The following FBXO25 variants were observed in gnomAD, a reference collection of about 807,000 sequenced individuals.
The protein encoded by FBXO25 is F-box only protein 25.
A neutral mutation model predicts 51.9 loss-of-function variants in FBXO25; 45 were observed. The observed-to-expected ratio is 0.87, with a 90% CI of 0.68 to 1.11. The LOEUF is 1.11. FBXO25 is among the 50% of genes most tolerant of loss of function. The probability of loss-of-function intolerance (pLI) is 0.00; values close to 1 mark genes in which losing one functional copy is unlikely to be tolerated. For synonymous variants in FBXO25, 199 were observed against 151.0 expected, an observed-to-expected ratio of 1.32 and a Z score of -2.33; for missense variants, 507 against 428.5, an observed-to-expected ratio of 1.18 and a Z score of -1.62.
rs552070916 is a variant in FBXO25 at position 453,967 on chromosome 8, T to C, written c.660+2514T>C. On this transcript the variant is annotated intron_variant, in intron 7 of 9. Coordinates refer to ENST00000350302, the MANE Select transcript of FBXO25 (RefSeq NM_183420.2). ...GGTGAAACGCTGTCTTTACTAAAAA[T>C]ACAAAAATTGGCCAGGTGTGGTGGC... Among the ~76,000 whole-genome samples, 3 of 152,110 alleles carry C rather than the reference T, an allele frequency of 2.0e-5. No homozygotes were observed. In the East Asian group the frequency reaches 5.8e-4, roughly 30 times the overall value.
chr8:455,942 C>T lies in FBXO25; in HGVS notation c.661-2427C>T, dbSNP rs185139652. 7.8e-4 allele frequency among the ~76,000 whole-genome samples: 119 copies of T among 152,350 alleles called. 1 individual carries two copies. In the South Asian group the frequency reaches 8.5e-3, roughly 11 times the overall value. ...ATTAACAGGGATGTAAAACTGGACTCTGCCAGAAATCCCAAATGCTGAGTT... is the reference window on the plus strand; with the variant it reads ...ATTAACAGGGATGTAAAACTGGACTTTGCCAGAAATCCCAAATGCTGAGTT... On this transcript the variant is annotated intron_variant, in intron 7 of 9. Transcript: ENST00000350302.
In FBXO25 at chr8:471,452, G is replaced by A. The variant is rs1322867204; in HGVS notation, c.*2648G>A. On this transcript the variant is annotated 3_prime_UTR_variant, in exon 10 of 10. Coordinates refer to ENST00000350302, the MANE Select transcript of FBXO25 (RefSeq NM_183420.2). ...TATCAGGGGGCCTTCCAAAAGTAGG[G>A]ATGCCACTCCTGTGAGATTAAGTTA... 1.3e-5 allele frequency: 2 copies of A among 152,174 alleles called. No individual in the cohort carries two copies. The highest frequency in any genetic ancestry group is 2.1e-4 in the South Asian group (1 of 4,824). The allele number at this position is 152,174 out of a possible 1,614,324, so 9.4% of individuals were successfully genotyped here.
Position 472,623 on chromosome 8 carries a change from T to G in FBXO25, c.*3819T>G, listed in dbSNP as rs1337697201. The G allele has an allele frequency of 1.3e-5, 2 of 152,186 alleles. No homozygotes were observed. Among genetic ancestry groups the G allele is most frequent in the African/African-American group, 4.8e-5 (2 of 41,452 alleles). 9.4% of individuals were successfully genotyped at this position (152,186 alleles called of 1,614,324 possible). On this transcript the variant is annotated 3_prime_UTR_variant, in exon 10 of 10. Transcript: ENST00000350302. ...GTGTTTTGGAAGTGTTTGTGGTGGT[T>G]TCTTGTTAATTCTTCTTTAAATGTT...
chr8:415,596 A>C lies in FBXO25; in HGVS notation c.134+2383A>C, dbSNP rs369706278. On this transcript the variant is annotated intron_variant, in intron 2 of 9. Transcript: ENST00000350302. ...AGGTGAGAAATGTTGAGTGCTGCCT[A>C]TGGTGATGTCTGCACAGCTGGACAG... 6.4e-4 allele frequency among the ~76,000 whole-genome samples: 97 copies of C among 152,262 alleles called. 3 individuals carry two copies. The East Asian group carries it at 0.018, about 28-fold the overall frequency.
intron 4 of FBXO25, among the ~76,000 whole-genome samples, chr8:434,272 A>C (rs905933461): frequency 2.0e-5 from 3 of 152,032 alleles, no homozygotes; most frequent in African/African-American, 7.2e-5. Context: ...CTAGGTCCGC[A>C]CATGCTCTTT....
At chr8:446,392 A>G (rs899196482) in intron 5 of FBXO25, among the ~76,000 whole-genome samples, 2 of 152,216 alleles carry the variant, frequency 1.3e-5, no homozygotes, top group Non-Finnish European at 2.9e-5. Context: ...CTGTAGGGCA[A>G]GAAGCCTATC....
chr8:429,151 C>T (rs1797670014), intron 2 of FBXO25, among the ~76,000 whole-genome samples: 1 of 152,180 alleles, frequency 6.6e-6, no homozygotes, highest in Non-Finnish European at 1.5e-5. Flanking sequence ...ATCCTCCATT[C>T]CCACCAACAT....
At chr8:454,408 G>C (rs990043898) in intron 7 of FBXO25, among the ~76,000 whole-genome samples, 1 of 152,214 alleles carries the variant, frequency 6.6e-6, no homozygotes, top group Non-Finnish European at 1.5e-5. Flanking sequence ...ATGCCCCCAT[G>C]TGCTCGCTGG....
At position 449,981 on chromosome 8, in the gene FBXO25, T is replaced by C. The variant is rs1288016018; in HGVS notation, c.382-9T>C. On this transcript the variant is annotated splice_polypyrimidine_tract_variant and intron_variant, in intron 5 of 9. Transcript: ENST00000350302. ...ATATCGCTCAGCTTTTTTCCGTCTT[T>C]CCTTTAAGCTGTTGCAGCTAATTGC... 1.3e-6 allele frequency: 2 copies of C among 1,598,380 alleles called. No homozygotes were observed. Among genetic ancestry groups the C allele is most frequent in the East Asian group, 2.2e-5 (1 of 44,732 alleles).
At position 477,917 on chromosome 8, in the gene FBXO25, T is replaced by A. The variant is rs190195566; in HGVS notation, c.*9113T>A. The A allele has an allele frequency of 1.3e-5, 2 of 152,348 alleles. No individual in the cohort carries two copies. The highest frequency in any genetic ancestry group is 2.9e-5 in the Non-Finnish European group (2 of 68,032). The allele number at this position is 152,348 out of a possible 1,614,324, so 9.4% of individuals were successfully genotyped here. On this transcript the variant is annotated 3_prime_UTR_variant, in exon 10 of 10. Transcript: ENST00000350302. ...CCTGTATTTCACTTGCCAACCTGAT[T>A]TATACTTTTGTATCTATTTGACATT... is the stretch of plus-strand genomic sequence containing the variant.
intron 8 of FBXO25, among the ~76,000 whole-genome samples, chr8:459,207 G>T (rs1007788553): frequency 1.3e-5 from 2 of 152,262 alleles, no homozygotes; most frequent in Non-Finnish European, 1.5e-5. Context: ...CGCAGCCAGA[G>T]AAGGCAGGTG....
chr8:418,127 G>A (rs984619402), intron 2 of FBXO25, among the ~76,000 whole-genome samples: 1 of 152,108 alleles, frequency 6.6e-6, no homozygotes, highest in African/African-American at 2.4e-5. Flanking sequence ...AAATGCATCT[G>A]TGTGCCTTGT....
chr8:410,270 G>A (rs1200384958), intron 1 of FBXO25, among the ~76,000 whole-genome samples: 3 of 152,146 alleles, frequency 2.0e-5, no homozygotes, highest in Non-Finnish European at 4.4e-5. Flanking sequence ...GAATTTGTGT[G>A]TGTTTTGCTA....
At position 473,925 on chromosome 8, in the gene FBXO25, G is replaced by T. The variant is rs1800563450; in HGVS notation, c.*5121G>T. The T allele has an allele frequency of 6.6e-6, 1 of 152,170 alleles. No homozygotes were observed. Among genetic ancestry groups the T allele is most frequent in the Non-Finnish European group, 1.5e-5 (1 of 68,028 alleles). 9.4% of individuals were successfully genotyped at this position (152,170 alleles called of 1,614,324 possible). On this transcript the variant is annotated 3_prime_UTR_variant, in exon 10 of 10. Coordinates refer to ENST00000350302, the MANE Select transcript of FBXO25 (RefSeq NM_183420.2). ...TAGTCAATTCTAATGTCATTTAAAAGAATTTGACATGTTAAAATACACGTG... is the reference window on the plus strand; with the variant it reads ...TAGTCAATTCTAATGTCATTTAAAATAATTTGACATGTTAAAATACACGTG...
chr8:408,801 A>G (rs1232924966), intron 1 of FBXO25, among the ~76,000 whole-genome samples: 1 of 152,182 alleles, frequency 6.6e-6, no homozygotes, highest in East Asian at 1.9e-4. Context: ...GGAAGATTTT[A>G]AATAGTTAAT....
At chr8:468,574 C>G (rs1189195939) in intron 9 of FBXO25, 141 bp from the exon 10 acceptor site, 5 of 619,390 alleles carry the variant, frequency 8.1e-6, no homozygotes, top group South Asian at 4.1e-5. Flanking sequence ...GTTGGTCATT[C>G]TCATCCAAGT....
intron 1 of FBXO25, among the ~76,000 whole-genome samples, chr8:408,700 C>T (rs908029604): frequency 6.6e-6 from 1 of 152,094 alleles, no homozygotes; most frequent in Non-Finnish European, 1.5e-5. Context: ...TCTCTCATGC[C>T]AAGAGTTTCC....
chr8:446,352 AT>A (rs922099355), intron 5 of FBXO25, among the ~76,000 whole-genome samples: 1 of 152,046 alleles, frequency 6.6e-6, no homozygotes, highest in African/African-American at 2.4e-5. Flanking sequence ...ATATTTGTAC[AT>A]TTTGGTCTGT....
chr8:448,043 G>T (rs950647080), intron 5 of FBXO25, among the ~76,000 whole-genome samples: 4 of 152,090 alleles, frequency 2.6e-5, no homozygotes, highest in African/African-American at 9.7e-5. Flanking sequence ...ATACGAATGA[G>T]AAAATTAATA....
Sources: allele counts gnomAD v4.1 joint callset (sites outside exome capture counted in the v4.1 genomes callset), GRCh38; gene constraint gnomAD v4.1.1; transcripts MANE v1.5; gene names NCBI Gene and HGNC (gene_info 2026-07-23, HGNC 2026-07-21).